The following CAMK4 variants were observed in gnomAD, a reference collection of about 807,000 sequenced individuals.
CAMK4 encodes calcium/calmodulin dependent protein kinase IV, also known as calcium/calmodulin-dependent protein kinase type IV.
In CAMK4, 22 loss-of-function variants were observed where a neutral mutation model predicts 44.9. That is an observed-to-expected ratio of 0.49 (90% CI 0.35 to 0.70). The LOEUF is 0.70. Ranked by LOEUF, CAMK4 falls within the 30% of genes least tolerant of loss-of-function variation. The pLI is 0.01. For synonymous variants in CAMK4, 218 were observed against 215.4 expected, an observed-to-expected ratio of 1.01 and a Z score of -0.11; for missense variants, 498 against 586.8, an observed-to-expected ratio of 0.85 and a Z score of 1.56.
chr5:111,422,296 A>G (rs1753061731), intron 5 of CAMK4, among the ~76,000 whole-genome samples: 1 of 152,220 alleles, frequency 6.6e-6, no homozygotes, highest in African/African-American at 2.4e-5. Context: ...AAGTTCAGTA[A>G]CGAGCAGGTG....
At chr5:111,293,433 CTTTTTTTTTTTGAGATGGAGTCT>C (rs1747356434) in intron 1 of CAMK4, among the ~76,000 whole-genome samples, 1 of 146,668 alleles carries the variant, frequency 6.8e-6, no homozygotes, top group Non-Finnish European at 1.5e-5. Context: ...CGGTGGTCTA[CTTTTTTTTTTTGAGATGGAGTCT>C]CATCCTGTTG....
chr5:111,431,226 T>C (rs1393150134), intron 5 of CAMK4, among the ~76,000 whole-genome samples: 1 of 152,134 alleles, frequency 6.6e-6, no homozygotes, highest in Non-Finnish European at 1.5e-5. Context: ...AGTGAACTCA[T>C]CTCTGACAAA....
intron 1 of CAMK4, among the ~76,000 whole-genome samples, chr5:111,273,026 A>G (rs79200125): frequency 0.044 from 6,651 of 152,164 alleles, 183 homozygotes; most frequent in South Asian, 0.066. Context: ...TCCCTGAGTC[A>G]GGAGTTGTTG....
intron 1 of CAMK4, among the ~76,000 whole-genome samples, chr5:111,236,042 C>G (rs1039319266): frequency 1.3e-5 from 2 of 152,222 alleles, no homozygotes; most frequent in African/African-American, 4.8e-5. Context: ...AGCCCCGCAC[C>G]TCACTCAGCT....
intron 2 of CAMK4, among the ~76,000 whole-genome samples, chr5:111,357,700 T>C (rs1750424749): frequency 6.6e-6 from 1 of 152,074 alleles, no homozygotes; most frequent in Admixed American, 6.6e-5. Context: ...GTTTTCAACG[T>C]TTTTTAAAAT....
chr5:111,335,831 C>T lies in CAMK4; in HGVS notation c.162-8193C>T, dbSNP rs559910707. ...GTATGTACACATATTATAGTTTATA[C>T]GTAGTATTTCAGTTATAATGTACAA... On this transcript the variant is annotated intron_variant, in intron 1 of 10. Transcript: ENST00000282356. 9.3e-5 allele frequency among the ~76,000 whole-genome samples: 14 copies of T among 151,350 alleles called. No homozygotes were observed. In the South Asian group the frequency reaches 2.1e-3, roughly 22 times the overall value.
At chr5:111,477,908 A>T (rs1192663142) in intron 8 of CAMK4, among the ~76,000 whole-genome samples, 1 of 152,016 alleles carries the variant, frequency 6.6e-6, no homozygotes, top group Non-Finnish European at 1.5e-5. Context: ...AAAATTTCTA[A>T]TTTCCACTTT....
chr5:111,248,404 G>T (rs920936421), intron 1 of CAMK4, among the ~76,000 whole-genome samples: 1 of 152,042 alleles, frequency 6.6e-6, no homozygotes, highest in Non-Finnish European at 1.5e-5. Context: ...GTAAGATCGA[G>T]CAGGTTCTAT....
At chr5:111,336,478 G>T in intron 1 of CAMK4, among the ~76,000 whole-genome samples, 2 of 111,590 alleles carry the variant, frequency 1.8e-5, no homozygotes, top group Middle Eastern at 7.8e-3. Context: ...AATAATATAG[G>T]TTATTTTTTT....
At chr5:111,364,360 T>C (rs575064952) in intron 2 of CAMK4, among the ~76,000 whole-genome samples, 1 of 152,250 alleles carries the variant, frequency 6.6e-6, no homozygotes, top group African/African-American at 2.4e-5. Context: ...GCCCAACCTC[T>C]TTCTGTTGAG....
intron 7 of CAMK4, among the ~76,000 whole-genome samples, chr5:111,455,469 G>A (rs11952630): frequency 4.5e-4 from 69 of 152,234 alleles, no homozygotes; most frequent in Non-Finnish European, 8.7e-4. Flanking sequence ...GAATGTGAAG[G>A]CATGATGAAA....
chr5:111,336,834 T>A (rs886131354), intron 1 of CAMK4, among the ~76,000 whole-genome samples: 3 of 151,112 alleles, frequency 2.0e-5, no homozygotes, highest in Admixed American at 1.3e-4. Context: ...TTTCTTTTTT[T>A]TAAAATTTCA....
rs747839230 is a variant in CAMK4 at position 111,224,439 on chromosome 5, AGCGGCGGCGGCG to A, written c.-33_-22del. On this transcript the variant is annotated 5_prime_UTR_variant, in exon 1 of 11. Transcript: ENST00000282356. This position sits in a 1 kb window ranked among gnomAD's most constrained non-coding sequence, Gnocchi z 5.7. ...CTGGCGGCCGGCTTCTCGCTCGGGCAGCGGCGGCGGCGGCGGCGGCGGCTTCCGGAGTCCCGC... is the reference window on the plus strand; with the variant it reads ...CTGGCGGCCGGCTTCTCGCTCGGGCAGCGGCGGCGGCTTCCGGAGTCCCGC... 5.9e-6 allele frequency: 9 copies of A among 1,536,176 alleles called. No individual in the cohort carries two copies. Among genetic ancestry groups the A allele is most frequent in the African/African-American group, 2.9e-5 (2 of 69,818 alleles).
intron 7 of CAMK4, among the ~76,000 whole-genome samples, chr5:111,466,618 T>C (rs1038190787): frequency 6.6e-6 from 1 of 151,760 alleles, no homozygotes; most frequent in African/African-American, 2.4e-5. Context: ...AAAATTAAAA[T>C]ACTTAGGAAC....
intron 4 of CAMK4, among the ~76,000 whole-genome samples, chr5:111,378,965 T>C (rs1301623557): frequency 6.7e-6 from 1 of 149,394 alleles, no homozygotes; most frequent in African/African-American, 2.5e-5. Flanking sequence ...ACAATATGCC[T>C]ATAATGGCTC....
chr5:111,277,070 C>T (rs1411743338), intron 1 of CAMK4, among the ~76,000 whole-genome samples: 1 of 152,178 alleles, frequency 6.6e-6, no homozygotes, highest in African/African-American at 2.4e-5. Flanking sequence ...GGTGTGTCCA[C>T]ATAGCCCAAA....
At chr5:111,438,643 C>T (rs1415751413) in intron 5 of CAMK4, among the ~76,000 whole-genome samples, 1 of 152,040 alleles carries the variant, frequency 6.6e-6, no homozygotes, top group Non-Finnish European at 1.5e-5. Context: ...GACAAATGTG[C>T]TCAAAGAGTT....
At position 111,492,441 on chromosome 5, in the gene CAMK4, T is replaced by C. The variant is rs1213798408; in HGVS notation, c.*7975T>C. 1 of 152,224 alleles carries C rather than the reference T, an allele frequency of 6.6e-6. No individual in the cohort carries two copies. Among genetic ancestry groups the C allele is most frequent in the Non-Finnish European group, 1.5e-5 (1 of 68,034 alleles). 9.4% of individuals were successfully genotyped at this position (152,224 alleles called of 1,614,324 possible). A position where few individuals can be genotyped will look rare whatever the true frequency, so the allele number is the denominator to read the frequency against. ...TCATTATGTGTAGCAGAGACTTTAC[T>C]GGAATGAGTGAGGGGAAAGATAACA... On this transcript the variant is annotated 3_prime_UTR_variant, in exon 11 of 11. Coordinates refer to ENST00000282356, the MANE Select transcript of CAMK4 (RefSeq NM_001744.6).
intron 1 of CAMK4, among the ~76,000 whole-genome samples, chr5:111,327,900 C>G (rs1748971859): frequency 1.5e-5 from 2 of 135,342 alleles, no homozygotes; most frequent in Admixed American, 7.6e-5. Flanking sequence ...ATTGTAGATT[C>G]TGGATATTAG....
Sources: allele counts gnomAD v4.1 joint callset (sites outside exome capture counted in the v4.1 genomes callset), GRCh38; gene constraint gnomAD v4.1.1; non-coding constraint Gnocchi (gnomAD v3.1); transcripts MANE v1.5; gene names NCBI Gene and HGNC (gene_info 2026-07-23, HGNC 2026-07-21).